Variants in BUB1B observed in about 807,000 individuals in gnomAD.
The protein encoded by BUB1B is mitotic checkpoint serine/threonine-protein kinase BUB1 beta.
Under a neutral mutation model 137.7 loss-of-function variants are expected in BUB1B, and 86 were observed. That is an observed-to-expected ratio of 0.62 (90% CI 0.52 to 0.75). BUB1B has a LOEUF of 0.75. Among genes scored for constraint, BUB1B ranks in the 30% least tolerant of loss-of-function variants. The pLI, the probability that BUB1B is intolerant of heterozygous loss-of-function variation, is 0.00. For synonymous variants in BUB1B, 420 were observed against 417.9 expected (o/e 1.00, Z -0.06); for missense variants, 1,130 against 1,236.9 (o/e 0.91, Z 1.30).
intron 8 of BUB1B, among the ~76,000 whole-genome samples, chr15:40,191,956 A>G (rs193085208): frequency 6.6e-6 from 1 of 152,032 alleles, no homozygotes; most frequent in Admixed American, 6.5e-5. Flanking sequence ...CTTTTTAAAG[A>G]TTGTTTTGAC....
intron 5 of BUB1B, among the ~76,000 whole-genome samples, chr15:40,180,642 C>CTTTTTTTTTTTTTTTTTTT (rs71132149): frequency 6.1e-5 from 4 of 65,836 alleles, no homozygotes; most frequent in Non-Finnish European, 5.3e-5. Context: ...TTTTCTTTTT[C>CTTTTTTTTTTTTTTTTTTT]TTTTTTTTTT....
chr15:40,180,689 G>A (rs749898088), intron 5 of BUB1B, among the ~76,000 whole-genome samples: 1 of 114,322 alleles, frequency 8.7e-6, no homozygotes, highest in African/African-American at 3.5e-5. Context: ...TCGCTCTGTC[G>A]TCCGGGCTAC....
intron 9 of BUB1B, among the ~76,000 whole-genome samples, chr15:40,198,240 T>TG (rs1034429533): frequency 1.4e-4 from 5 of 34,604 alleles, no homozygotes; most frequent in Non-Finnish European, 2.5e-4. Context: ...TTCTATTGTG[T>TG]TTTTTTTTTT....
chr15:40,164,334 G>T (rs1460708141), intron 1 of BUB1B, among the ~76,000 whole-genome samples: 1 of 151,706 alleles, frequency 6.6e-6, no homozygotes, highest in Non-Finnish European at 1.5e-5. Context: ...CCCAAGCAAT[G>T]CTCCCACCTC....
At position 40,206,170 on chromosome 15, in the gene BUB1B, G is replaced by T; in HGVS notation, c.1735-14G>T. 1 of 1,613,620 alleles carries T rather than the reference G, an allele frequency of 6.2e-7. No individual in the cohort carries two copies. Among genetic ancestry groups the T allele is most frequent in the South Asian group, 1.1e-5 (1 of 90,886 alleles). On this transcript the variant is annotated splice_polypyrimidine_tract_variant and intron_variant, in intron 14 of 22. Coordinates refer to ENST00000287598, the MANE Select transcript of BUB1B (RefSeq NM_001211.6). ...GAAATATTTTAGCTAAACTTTATAT[G>T]GTCTTTATTTCAGGATGAATTTACA... is the stretch of plus-strand genomic sequence containing the variant.
At chr15:40,203,768 C>A (rs374420321) in intron 14 of BUB1B, among the ~76,000 whole-genome samples, 6 of 152,088 alleles carry the variant, frequency 3.9e-5, no homozygotes, top group East Asian at 3.9e-4. Context: ...CCTGTGTAGA[C>A]ATTTAAGTCA....
intron 8 of BUB1B, among the ~76,000 whole-genome samples, chr15:40,188,731 C>T (rs1595521948): frequency 6.6e-6 from 1 of 151,610 alleles, no homozygotes; most frequent in South Asian, 2.1e-4. Flanking sequence ...TATAGACGCC[C>T]GCCACGACGC....
chr15:40,180,681 G>A (rs866429019), intron 5 of BUB1B, among the ~76,000 whole-genome samples: 2 of 111,254 alleles, frequency 1.8e-5, no homozygotes, highest in African/African-American at 3.5e-5. Flanking sequence ...ACGGAGTCTC[G>A]CTCTGTCGTC....
At chr15:40,216,562 TATATA>T (rs1275981133) in intron 20 of BUB1B, among the ~76,000 whole-genome samples, 1 of 79,164 alleles carries the variant, frequency 1.3e-5, no homozygotes, top group African/African-American at 6.3e-5. Context: ...TATATATATA[TATATA>T]TATATTTTTT....
At chr15:40,197,873 A>G (rs1189503784) in intron 9 of BUB1B, among the ~76,000 whole-genome samples, 1 of 152,208 alleles carries the variant, frequency 6.6e-6, no homozygotes, top group Admixed American at 6.5e-5. Context: ...AAGGCTTTTA[A>G]AAAAGGAGAA....
chr15:40,206,131 GTTC>G, intron 14 of BUB1B, 50 bp from the exon 15 acceptor site: 1 of 1,591,344 alleles, frequency 6.3e-7, no homozygotes, highest in South Asian at 1.1e-5. Context: ...CAGTAAAAAA[GTTC>G]TTCATGTATT....
chr15:40,167,403 C>T (rs1459334692), intron 2 of BUB1B, among the ~76,000 whole-genome samples: 5 of 129,636 alleles, frequency 3.9e-5, no homozygotes, highest in Non-Finnish European at 4.6e-5. Flanking sequence ...CAGGCTGGAG[C>T]GCAATCTCAG....
intron 14 of BUB1B, among the ~76,000 whole-genome samples, chr15:40,204,460 T>C (rs1322763938): frequency 3.3e-5 from 5 of 150,270 alleles, no homozygotes; most frequent in Non-Finnish European, 7.4e-5. Flanking sequence ...TTTTAACCAG[T>C]CTTTTACTTG....
Position 40,196,718 on chromosome 15 carries a change from C to T in BUB1B, c.1232C>T (p.Ser411Phe), listed in dbSNP as rs587778149. 1.9e-6 allele frequency: 3 copies of T among 1,613,952 alleles called. No homozygotes were observed. The highest frequency in any genetic ancestry group is 2.5e-6 in the Non-Finnish European group (3 of 1,179,936). Reference sequence around the variant, plus strand: ...ATTTATGCAGGAGTAGGGGAATTCTCCTTTGAAGAAATTCGGGCTGAAGTT... The same window carrying T: ...ATTTATGCAGGAGTAGGGGAATTCTTCTTTGAAGAAATTCGGGCTGAAGTT... The part of the protein sequence containing the change: ...EKIYAGVGEF[S>F]FEEIRAEVFR... Residue 411 changes from serine (S) to phenylalanine (F), a missense_variant, in exon 9 of 23, where the codon TCC becomes TTC. Coordinates refer to ENST00000287598, the MANE Select transcript of BUB1B (RefSeq NM_001211.6).
At chr15:40,166,356 TAG>T (rs1393222361) in intron 2 of BUB1B, 1 of 439,200 alleles carries the variant, frequency 2.3e-6, no homozygotes, top group African/African-American at 2.1e-5. Flanking sequence ...TTTTTTCTTT[TAG>T]AGACGGAGTC....
chr15:40,166,499 C>G, intron 2 of BUB1B: 1 of 295,212 alleles, frequency 3.4e-6, no homozygotes, highest in Non-Finnish European at 6.5e-6. Flanking sequence ...GCCACCACGC[C>G]CAGCTAATTT....
In BUB1B at chr15:40,200,369, C is replaced by T. The variant is rs373689524; in HGVS notation, c.1517+10C>T. 3.1e-6 allele frequency: 5 copies of T among 1,603,196 alleles called. No individual in the cohort carries two copies. The highest frequency in any genetic ancestry group is 2.2e-5 in the South Asian group (2 of 90,736). On this transcript the variant is annotated intron_variant, in intron 11 of 22. Transcript: ENST00000287598. ...TAAACTGTTGTGCCAGGTAAGACTACATAGGTGGAAGGGACAATGCATATA... is the reference window on the plus strand; with the variant it reads ...TAAACTGTTGTGCCAGGTAAGACTATATAGGTGGAAGGGACAATGCATATA...
rs1384029883 is a variant in BUB1B at position 40,170,545 on chromosome 15, G to T, written c.248G>T (p.Ser83Ile). ...TTTTTCCTCCCATTTAGGTATATCA[G>T]CTGGACAGAGCAGAACTATCCTCAA... ...DPLDVWDRYI[S>I]WTEQNYPQGG... The change falls in exon 4 of 23, where the codon AGC (serine) becomes ATC (isoleucine). Residue 83 changes from serine to isoleucine, a missense_variant. Transcript: ENST00000287598. 1.9e-6 allele frequency: 3 copies of T among 1,613,624 alleles called. No homozygotes were observed. In the Admixed American group the frequency reaches 5.0e-5, roughly 27 times the overall value.
chr15:40,220,454 G>T, intron 22 of BUB1B, 110 bp from the exon 23 acceptor site: 1 of 1,085,308 alleles, frequency 9.2e-7, no homozygotes, highest in South Asian at 1.3e-5. Flanking sequence ...TAGAGTTCTA[G>T]GTATTACCTT....
Sources: gnomAD v4.1 joint callset for allele counts (sites outside exome capture counted in the v4.1 genomes callset) on GRCh38, gnomAD v4.1.1 for gene constraint, MANE v1.5 for transcripts, NCBI Gene and HGNC (gene_info 2026-07-23, HGNC 2026-07-21) for gene names.